The following GSE1 variants were observed in gnomAD, a reference collection of about 807,000 sequenced individuals.
GSE1 encodes the protein genetic suppressor element 1.
Under a neutral mutation model 112.6 loss-of-function variants are expected in GSE1, and 32 were observed. That is an observed-to-expected ratio of 0.28 (90% CI 0.21 to 0.38). The LOEUF is 0.38. Ranked by LOEUF, GSE1 falls within the 10% of genes least tolerant of loss-of-function variation. The probability of loss-of-function intolerance (pLI) is 1.00; values close to 1 mark genes in which losing one functional copy is unlikely to be tolerated. For synonymous variants in GSE1, 1,115 were observed against 735.6 expected, an observed-to-expected ratio of 1.52 and a Z score of -8.35; for missense variants, 2,348 against 1,699.2, an observed-to-expected ratio of 1.38 and a Z score of -6.71.
Position 85,657,375 on chromosome 16 carries a change from A to G in GSE1, c.1411A>G (p.Asn471Asp), listed in dbSNP as rs1302266410. The change falls in exon 8 of 16, where the codon AAC becomes GAC. Residue 471 changes from asparagine (N) to aspartate (D), a missense_variant. Coordinates refer to ENST00000253458, the MANE Select transcript of GSE1 (RefSeq NM_014615.5). ...PHHTVPSLIS[N>D]HGIFSLPSSS... Reference sequence around the variant, plus strand: ...CCACACGGTGCCCAGCCTCATCTCCAACCATGGCATCTTCTCTCTGCCTAG... The same window carrying G: ...CCACACGGTGCCCAGCCTCATCTCCGACCATGGCATCTTCTCTCTGCCTAG... 6.2e-7 allele frequency: 1 copy of G among 1,612,398 alleles called. No homozygotes were observed. The highest frequency in any genetic ancestry group is 1.1e-5 in the South Asian group (1 of 90,928).
chr16:85,652,507 C>A (rs577324120), intron 3 of GSE1, among the ~76,000 whole-genome samples: 1 of 152,132 alleles, frequency 6.6e-6, no homozygotes, highest in African/African-American at 2.4e-5. Context: ...GCTCAGCCCG[C>A]GGGAAGGGAG....
exon 2 of GSE1, chr16:85,357,552 G>T (rs2046975126): frequency 2.3e-6 from 3 of 1,287,412 alleles, no homozygotes. Flanking sequence ...CGGAGACCCT[G>T]CCCAGAGGCC....
chr16:85,280,929 C>T (rs1423499948), intron 1 of GSE1, among the ~76,000 whole-genome samples: 2 of 152,160 alleles, frequency 1.3e-5, no homozygotes, highest in Admixed American at 1.3e-4. Flanking sequence ...TGAATTGGAA[C>T]CAGGTCCTGG....
intron 2 of GSE1, among the ~76,000 whole-genome samples, chr16:85,372,586 G>A (rs1279498156): frequency 1.3e-5 from 2 of 151,934 alleles, no homozygotes; most frequent in African/African-American, 2.4e-5. Flanking sequence ...GGCTGGCTGC[G>A]AGGTAGTGAG....
chr16:85,598,877 T>C (rs559912437), intron 1 of GSE1, among the ~76,000 whole-genome samples: 1 of 152,318 alleles, frequency 6.6e-6, no homozygotes, highest in East Asian at 1.9e-4. Context: ...GGACCTGTGG[T>C]CTGTGATCAA....
At chr16:85,622,120 A>G (rs577797680) in intron 1 of GSE1, among the ~76,000 whole-genome samples, 1 of 152,292 alleles carries the variant, frequency 6.6e-6, no homozygotes, top group South Asian at 2.1e-4. Context: ...TGACAGGATG[A>G]TTGTGGCCGG....
At chr16:85,385,007 G>A (rs545016412) in intron 2 of GSE1, among the ~76,000 whole-genome samples, 3 of 152,312 alleles carry the variant, frequency 2.0e-5, no homozygotes, top group South Asian at 4.1e-4. Flanking sequence ...GGATTGGCTC[G>A]GCCAGATGCT....
upstream of GSE1, chr16:85,555,400 G>A (rs1461790934): frequency 1.2e-5 from 12 of 984,024 alleles, no homozygotes; most frequent in Non-Finnish European, 1.4e-5. Context: ...AAAAAGGGGG[G>A]GGAGGGGTGT....
chr16:85,522,918 A>G (rs2052236226), intron 2 of GSE1, among the ~76,000 whole-genome samples: 1 of 151,184 alleles, frequency 6.6e-6, no homozygotes, highest in Non-Finnish European at 1.5e-5. Flanking sequence ...GTGTTTGTGT[A>G]TGTATGTTGT....
chr16:85,657,090 C>T (rs534995718), intron 7 of GSE1, among the ~76,000 whole-genome samples, 187 bp from the exon 8 acceptor site: 69 of 152,352 alleles, frequency 4.5e-4, no homozygotes, highest in African/African-American at 1.5e-3. Context: ...GGAGCGTTTC[C>T]TTCCAGGGAC....
chr16:85,663,165 C>T, intron 10 of GSE1, 72 bp downstream of exon 10: 4 of 1,255,918 alleles, frequency 3.2e-6, no homozygotes, highest in Non-Finnish European at 4.6e-6. Flanking sequence ...CCCTGCAGTC[C>T]ACCCCACTGT....
upstream of GSE1, among the ~76,000 whole-genome samples, chr16:85,612,975 A>T (rs2048091232): frequency 6.6e-6 from 1 of 152,154 alleles, no homozygotes; most frequent in South Asian, 2.1e-4. Context: ...CGAGCAGTCC[A>T]GCCAGGGGCT....
chr16:85,474,656 C>A (rs376183632), intron 2 of GSE1, among the ~76,000 whole-genome samples: 2 of 142,764 alleles, frequency 1.4e-5, no homozygotes, highest in East Asian at 2.4e-4. Context: ...TCTTGCCCCC[C>A]CTCTTCCCCC....
chr16:85,650,968 A>G (rs907692906), intron 3 of GSE1, among the ~76,000 whole-genome samples: 3 of 151,426 alleles, frequency 2.0e-5, no homozygotes, highest in East Asian at 2.0e-4. Context: ...CTAACAGGGC[A>G]TGTCCCGCCT....
chr16:85,554,587 A>G (rs1260783181), upstream of GSE1, among the ~76,000 whole-genome samples: 1 of 152,080 alleles, frequency 6.6e-6, no homozygotes. Context: ...GTGAGGGGTG[A>G]GAGGAAAAGA....
intron 1 of GSE1, chr16:85,279,146 T>C (rs536574133): frequency 6.6e-6 from 1 of 152,200 alleles, no homozygotes; most frequent in Non-Finnish European, 1.5e-5. Context: ...AAAATAACGA[T>C]GTGGTAACTT....
intron 2 of GSE1, among the ~76,000 whole-genome samples, chr16:85,431,894 G>A (rs2049131251): frequency 6.6e-6 from 1 of 152,252 alleles, no homozygotes; most frequent in Admixed American, 6.5e-5. Flanking sequence ...CGGTTTGAAA[G>A]CCCTGGAAGA....
chr16:85,470,978 G>A (rs980626686), intron 2 of GSE1, among the ~76,000 whole-genome samples: 2 of 152,242 alleles, frequency 1.3e-5, no homozygotes, highest in African/African-American at 4.8e-5. Context: ...CAGACACGCG[G>A]CCCACTGAAG....
intron 2 of GSE1, among the ~76,000 whole-genome samples, chr16:85,533,978 C>A (rs950335518): frequency 2.0e-5 from 3 of 152,124 alleles, no homozygotes; most frequent in African/African-American, 4.8e-5. Context: ...GTCTGTGTAA[C>A]CCCCACCCCA....
Sources: gnomAD v4.1 joint callset for allele counts (sites outside exome capture counted in the v4.1 genomes callset) on GRCh38, gnomAD v4.1.1 for gene constraint, MANE v1.5 for transcripts, NCBI Gene and HGNC (gene_info 2026-07-23, HGNC 2026-07-21) for gene names.